RAF1: variants seen among roughly 807,000 people sequenced by gnomAD.
RAF1 encodes Raf-1 proto-oncogene, serine/threonine kinase, also known as RAF proto-oncogene serine/threonine-protein kinase.
Under a neutral mutation model 81.1 loss-of-function variants are expected in RAF1, and 27 were observed. That is an observed-to-expected ratio of 0.33 (90% confidence interval 0.25 to 0.46). The LOEUF is 0.46. Ranked by LOEUF, RAF1 falls within the 20% of genes least tolerant of loss-of-function variation. The pLI is 1.00. For synonymous variants in RAF1, 298 were observed against 294.0 expected (o/e 1.01, Z -0.14); for missense variants, 598 against 826.0 (o/e 0.72, Z 3.38).
chr3:12,636,516 G>A (rs1416930637), intron 1 of RAF1, among the ~76,000 whole-genome samples: 2 of 150,008 alleles, frequency 1.3e-5, no homozygotes, highest in Non-Finnish European at 1.5e-5. Flanking sequence ...AGGGACATTT[G>A]CTACACTGGC....
At chr3:12,603,331 GA>G in intron 8 of RAF1, 2 of 542,090 alleles carry the variant, frequency 3.7e-6, no homozygotes, top group South Asian at 5.4e-5. Context: ...ATTTTAAAAA[GA>G]AAGAAAGAAA....
chr3:12,626,894 C>T (rs2059718391), intron 1 of RAF1, among the ~76,000 whole-genome samples: 1 of 151,606 alleles, frequency 6.6e-6, no homozygotes, highest in African/African-American at 2.4e-5. Flanking sequence ...GTTGGTGCTG[C>T]ACGCCTGTAG....
In RAF1 at chr3:12,611,534, A is replaced by G. The variant is rs527546500; in HGVS notation, c.320+416T>C. Among the ~76,000 whole-genome samples, 205 of 152,272 alleles carry G rather than the reference A, an allele frequency of 1.3e-3. 2 individuals carry two copies. Among genetic ancestry groups the G allele is most frequent in the Admixed American group, 2.7e-3 (41 of 15,294 alleles). On this transcript the variant is annotated intron_variant, in intron 3 of 17. Transcript: ENST00000442415. ...GCTAACACGGTGAAACCCCGTCTCT[A>G]CTAAAAATACAAAAAATTAGCCGGG...
At chr3:12,617,499 C>CA (rs943493724) in intron 2 of RAF1, among the ~76,000 whole-genome samples, 10 of 152,116 alleles carry the variant, frequency 6.6e-5, no homozygotes, top group African/African-American at 2.4e-4. Flanking sequence ...GCAATCTGCC[C>CA]ACCTCGGTCT....
intron 1 of RAF1, among the ~76,000 whole-genome samples, chr3:12,638,492 G>C (rs2060092593): frequency 1.3e-5 from 2 of 152,160 alleles, no homozygotes; most frequent in Admixed American, 6.6e-5. Flanking sequence ...AAACAGACCA[G>C]CTGATAATAA....
Position 12,606,316 on chromosome 3 carries a change from A to G in RAF1, c.582-17T>C, listed in dbSNP as rs2125407286. On this transcript the variant is annotated splice_polypyrimidine_tract_variant and intron_variant, in intron 5 of 17. Transcript: ENST00000442415. ...GGAAACAATCTAAACAAAAGCAGGG[A>G]AAGACTGGTTTTTAGGCTTGCAGTA... The G allele has an allele frequency of 1.3e-6, 2 of 1,575,266 alleles. No homozygotes were observed. The highest frequency in any genetic ancestry group is 1.7e-6 in the Non-Finnish European group (2 of 1,145,726).
chr3:12,585,337 C>T (rs2058297344), intron 15 of RAF1, 84 bp from the exon 15 acceptor site: 14 of 1,593,562 alleles, frequency 8.8e-6, no homozygotes, highest in Non-Finnish European at 1.2e-5. Context: ...CTGTCCCTTT[C>T]ATTAGTTATG....
intron 1 of RAF1, among the ~76,000 whole-genome samples, chr3:12,651,940 T>C (rs2881851): frequency 0.85 from 127,155 of 149,996 alleles, 54,148 homozygotes; most frequent in African/African-American, 0.95. Context: ...ACCCAGGAGG[T>C]GGAGGTTGTG....
chr3:12,600,509 T>TA, intron 8 of RAF1, 94 bp from the exon 8 acceptor site: 1 of 1,384,364 alleles, frequency 7.2e-7, no homozygotes, highest in South Asian at 1.2e-5. Context: ...AAGAACAAAA[T>TA]AGATTATAAA....
intron 1 of RAF1, among the ~76,000 whole-genome samples, chr3:12,647,935 G>A (rs1450921958): frequency 2.0e-5 from 3 of 152,156 alleles, no homozygotes; most frequent in African/African-American, 7.2e-5. Flanking sequence ...CATTTTAAAA[G>A]TGTAACTTTA....
rs1172036784 is a variant in RAF1, at chr3:12,664,100, G to A, written c.-314C>T. On this transcript the variant is annotated 5_prime_UTR_variant, in exon 1 of 18. Coordinates refer to ENST00000442415, the MANE Select transcript of RAF1 (RefSeq NM_001354689.3). ...CTTACTCCCGCCATCTAAGATGGCGGCCCAAGCGCCCGCGATTAAGACTCT... is the reference window on the plus strand; with the variant it reads ...CTTACTCCCGCCATCTAAGATGGCGACCCAAGCGCCCGCGATTAAGACTCT... The A allele has an allele frequency of 2.5e-6, 1 of 398,302 alleles. No individual in the cohort carries two copies. The allele number at this position is 398,302 out of a possible 1,614,324, so 24.7% of individuals were successfully genotyped here. A position where few individuals can be genotyped will look rare whatever the true frequency, so the allele number is the denominator to read the frequency against.
At chr3:12,615,250 A>T (rs2059338735) in intron 2 of RAF1, among the ~76,000 whole-genome samples, 1 of 152,238 alleles carries the variant, frequency 6.6e-6, no homozygotes, top group Non-Finnish European at 1.5e-5. Flanking sequence ...CAGTAGCAGC[A>T]GCAGCAATAG....
At chr3:12,635,224 CAGG>C (rs1296009470) in intron 1 of RAF1, among the ~76,000 whole-genome samples, 1 of 145,704 alleles carries the variant, frequency 6.9e-6, no homozygotes, top group East Asian at 2.1e-4. Context: ...GAGGCTGACG[CAGG>C]AGAATTGCTT....
intron 1 of RAF1, among the ~76,000 whole-genome samples, chr3:12,632,700 T>C (rs11709504): frequency 0.23 from 35,416 of 152,120 alleles, 4,724 homozygotes; most frequent in African/African-American, 0.36. Flanking sequence ...TCTTCTGAAA[T>C]TCTTGAAACT....
At chr3:12,614,751 A>G (rs1033510410) in intron 2 of RAF1, among the ~76,000 whole-genome samples, 2 of 152,148 alleles carry the variant, frequency 1.3e-5, no homozygotes, top group Non-Finnish European at 2.9e-5. Context: ...ATGTTCCAAA[A>G]TAAGTTTATT....
At chr3:12,651,779 G>A (rs1180498068) in intron 1 of RAF1, among the ~76,000 whole-genome samples, 2 of 151,822 alleles carry the variant, frequency 1.3e-5, no homozygotes, top group African/African-American at 4.8e-5. Context: ...GGAGGCCAAG[G>A]CGGGCAAATC....
At chr3:12,592,728 CCA>C (rs1434353475) in intron 11 of RAF1, among the ~76,000 whole-genome samples, 2 of 140,952 alleles carry the variant, frequency 1.4e-5, no homozygotes, top group Non-Finnish European at 3.0e-5. Context: ...AATTTAAAAG[CCA>C]CTTTTTTTTT....
chr3:12,587,871 T>G (rs2058378898), intron 13 of RAF1: 1 of 371,252 alleles, frequency 2.7e-6, no homozygotes. Flanking sequence ...TGGAGTGCAG[T>G]CAATAGCTTA....
intron 2 of RAF1, among the ~76,000 whole-genome samples, chr3:12,616,956 G>C (rs1453786606): frequency 1.3e-5 from 2 of 152,030 alleles, no homozygotes; most frequent in Non-Finnish European, 2.9e-5. Flanking sequence ...TCTTTGAGAA[G>C]GGGTCTGGCT....
Sources: allele counts gnomAD v4.1 joint callset (sites outside exome capture counted in the v4.1 genomes callset), GRCh38; gene constraint gnomAD v4.1.1; transcripts MANE v1.5; gene names NCBI Gene and HGNC (gene_info 2026-07-23, HGNC 2026-07-21).